UBQLN1: variants seen among roughly 807,000 people sequenced by gnomAD.
The protein encoded by UBQLN1 is ubiquilin-1.
Under a neutral mutation model 65.4 loss-of-function variants are expected in UBQLN1, and 13 were observed. That is an observed-to-expected ratio of 0.20 (90% CI 0.13 to 0.32). The LOEUF (loss-of-function observed/expected upper bound fraction) is 0.32, where lower values mean the gene tolerates loss of function less well. UBQLN1 is among the 10% of genes least tolerant of loss of function. The probability of loss-of-function intolerance (pLI) is 1.00; values close to 1 mark genes in which losing one functional copy is unlikely to be tolerated. For missense variants in UBQLN1, 561 were observed against 724.0 expected (o/e 0.77, Z 2.58); for synonymous variants, 267 against 247.8 (o/e 1.08, Z -0.73).
At position 83,661,705 on chromosome 9, in the gene UBQLN1, A is replaced by C. The variant is rs1352149835; in HGVS notation, c.*82T>G. 1.4e-6 allele frequency: 2 copies of C among 1,451,664 alleles called. No individual in the cohort carries two copies. Among genetic ancestry groups the C allele is most frequent in the African/African-American group, 2.8e-5 (2 of 70,446 alleles). 89.9% of individuals were successfully genotyped at this position (1,451,664 alleles called of 1,614,324 possible). On this transcript the variant is annotated 3_prime_UTR_variant, in exon 11 of 11. Transcript: ENST00000376395. ...ATAACAGCACAGAATTCCAAGAGTC[A>C]AAATGAAATAAAGCAGGTATTTTAA... is the stretch of plus-strand genomic sequence containing the variant.
chr9:83,683,893 T>C (rs1192524419), intron 2 of UBQLN1, among the ~76,000 whole-genome samples: 2 of 151,964 alleles, frequency 1.3e-5, no homozygotes, highest in Non-Finnish European at 2.9e-5. Context: ...TGGTGGCACA[T>C]GCCTGTAATC....
Position 83,677,707 on chromosome 9 carries a change from C to T in UBQLN1, c.1105+20G>A. 6.3e-7 allele frequency: 1 copy of T among 1,575,790 alleles called. No individual in the cohort carries two copies. The highest frequency in any genetic ancestry group is 8.7e-7 in the Non-Finnish European group (1 of 1,153,534). ...AAATGAGGACAACAAAGAAAAAAGC[C>T]TGAGTTGTTAAAAGCATACCTCCTA... On this transcript the variant is annotated intron_variant, in intron 6 of 10. Coordinates refer to ENST00000376395, the MANE Select transcript of UBQLN1 (RefSeq NM_013438.5).
chr9:83,695,364 A>G (rs944556392), intron 1 of UBQLN1, among the ~76,000 whole-genome samples: 1 of 151,880 alleles, frequency 6.6e-6, no homozygotes, highest in South Asian at 2.1e-4. Context: ...ACACTGGCTA[A>G]TTTTTTTATT....
rs1310349768 is a variant in UBQLN1 at position 83,707,748 on chromosome 9, C to G, written c.-69G>C. The G allele has an allele frequency of 2.7e-6, 4 of 1,484,844 alleles. No individual in the cohort carries two copies. Among genetic ancestry groups the G allele is most frequent in the Admixed American group, 2.6e-5 (1 of 38,242 alleles). The allele number at this position is 1,484,844 out of a possible 1,614,324, so 92.0% of individuals were successfully genotyped here. ...GAGCAGGCGAGCAAGGAGGAGCCAG[C>G]AGACACCAGAGCCGGCAGGCCTGGA... On this transcript the variant is annotated 5_prime_UTR_variant, in exon 1 of 11. Transcript: ENST00000376395.
chr9:83,707,056 AAAC>A (rs1288764967), intron 1 of UBQLN1, among the ~76,000 whole-genome samples: 5 of 152,290 alleles, frequency 3.3e-5, no homozygotes, highest in African/African-American at 1.2e-4. Context: ...CAGGCACGTA[AAAC>A]AACGAGGATC....
chr9:83,677,744 A>C lies in UBQLN1; in HGVS notation c.1088T>G (p.Leu363Trp). The change falls in exon 6 of 11, where the codon TTG (leucine) becomes TGG (tryptophan). Residue 363 changes from leucine to tryptophan, a missense_variant. By Grantham distance (61) the Leu-to-Trp change is moderately conservative. Transcript: ENST00000376395. ...TSGQSTTAPN[L>W]VPGVGASMFN... is the part of the protein sequence containing the mutation. Reference sequence around the variant, plus strand: ...AAGCATACCTCCTACTCCAGGCACCAAATTTGGCGCAGTAGTACTCTGCCC... The same window carrying C: ...AAGCATACCTCCTACTCCAGGCACCCAATTTGGCGCAGTAGTACTCTGCCC... The C allele has an allele frequency of 6.2e-7, 1 of 1,612,320 alleles. No homozygotes were observed. Among genetic ancestry groups the C allele is most frequent in the Non-Finnish European group, 8.5e-7 (1 of 1,178,678 alleles).
chr9:83,683,095 G>A (rs1367736831), intron 2 of UBQLN1, 29 bp from the exon 3 acceptor site: 1 of 1,487,538 alleles, frequency 6.7e-7, no homozygotes, highest in Non-Finnish European at 9.3e-7. Flanking sequence ...CACAGAGTAA[G>A]CAGTAGAGCT....
chr9:83,694,467 T>C (rs1017342882), intron 1 of UBQLN1, among the ~76,000 whole-genome samples: 1 of 152,188 alleles, frequency 6.6e-6, no homozygotes, highest in Non-Finnish European at 1.5e-5. Flanking sequence ...GTAGTCTTAT[T>C]TAAAACACTG....
chr9:83,667,924 T>TA (rs1267672104), intron 7 of UBQLN1: 5 of 983,046 alleles, frequency 5.1e-6, no homozygotes, highest in Non-Finnish European at 6.0e-6. Context: ...TGTTTTAGAG[T>TA]AAAAAAATAG....
intron 1 of UBQLN1, among the ~76,000 whole-genome samples, chr9:83,706,807 A>G (rs1292083694): frequency 6.6e-6 from 1 of 152,210 alleles, no homozygotes; most frequent in Non-Finnish European, 1.5e-5. Context: ...AACCTACCCA[A>G]TGATTGGCAT....
rs1831946310 is a variant in UBQLN1, at chr9:83,681,907, T to TC, written c.448+1043_448+1044insG. 3.3e-5 allele frequency among the ~76,000 whole-genome samples: 5 copies of TC among 152,222 alleles called. No individual in the cohort carries two copies. The South Asian group carries it at 1.0e-3, about 31-fold the overall frequency. ...AGAATGAAAAATGACTTTCATTAGC[T>TC]TGAGTCTCTGAGGGACTATATGGAT... On this transcript the variant is annotated intron_variant, in intron 3 of 10. Transcript: ENST00000376395.
At chr9:83,698,731 T>C (rs1011338370) in intron 1 of UBQLN1, among the ~76,000 whole-genome samples, 1 of 152,042 alleles carries the variant, frequency 6.6e-6, no homozygotes, top group Non-Finnish European at 1.5e-5. Flanking sequence ...CTGGGCAACA[T>C]GGTGAAACCC....
intron 8 of UBQLN1, among the ~76,000 whole-genome samples, chr9:83,665,888 T>G (rs192443440): frequency 6.6e-6 from 1 of 152,310 alleles, no homozygotes; most frequent in East Asian, 1.9e-4. Context: ...ACTATTTTAA[T>G]CTTACTAATC....
chr9:83,706,909 A>G (rs1271469191), intron 1 of UBQLN1, among the ~76,000 whole-genome samples: 1 of 152,176 alleles, frequency 6.6e-6, no homozygotes, highest in Non-Finnish European at 1.5e-5. Flanking sequence ...TACTATCACT[A>G]TTACTTAAGA....
At position 83,678,053 on chromosome 9, in the gene UBQLN1, G is replaced by A. The variant is rs1184158235; in HGVS notation, c.871-92C>T. 2.9e-5 allele frequency: 29 copies of A among 997,878 alleles called. 1 individual carries two copies. Among genetic ancestry groups the A allele is most frequent in the African/African-American group, 2.1e-4 (12 of 55,824 alleles). 61.8% of individuals were successfully genotyped at this position (997,878 alleles called of 1,614,324 possible). A position where few individuals can be genotyped will look rare whatever the true frequency, so the allele number is the denominator to read the frequency against. ...TTTTTTTTTTTTGAGACGGAGTCTCGCTCTGTGACCCAGGCTGGAGTGCAG... is the reference window on the plus strand; with the variant it reads ...TTTTTTTTTTTTGAGACGGAGTCTCACTCTGTGACCCAGGCTGGAGTGCAG... On this transcript the variant is annotated intron_variant, in intron 5 of 10. Coordinates refer to ENST00000376395, the MANE Select transcript of UBQLN1 (RefSeq NM_013438.5).
At chr9:83,704,824 CAAAAAAAA>C (rs780432842) in intron 1 of UBQLN1, among the ~76,000 whole-genome samples, 2 of 69,544 alleles carry the variant, frequency 2.9e-5, no homozygotes, top group Non-Finnish European at 2.7e-5. Context: ...GACTCCATCT[CAAAAAAAA>C]AAAAAAAAAA....
chr9:83,661,987 C>T (rs745979790), intron 10 of UBQLN1, 48 bp from the exon 11 acceptor site: 4 of 1,557,768 alleles, frequency 2.6e-6, no homozygotes, highest in South Asian at 1.2e-5. Context: ...AAGCCAGTCC[C>T]TGCCACACAT....
At chr9:83,687,863 A>G (rs895398905) in intron 1 of UBQLN1, among the ~76,000 whole-genome samples, 7 of 152,228 alleles carry the variant, frequency 4.6e-5, no homozygotes, top group Non-Finnish European at 7.3e-5. Flanking sequence ...AAGCATAAAG[A>G]TAACACAAAA....
intron 1 of UBQLN1, among the ~76,000 whole-genome samples, chr9:83,690,252 C>T (rs1442372176): frequency 6.6e-6 from 1 of 152,162 alleles, no homozygotes; most frequent in South Asian, 2.1e-4. Context: ...TAGATTACCC[C>T]CAATGACAAC....
Sources: gnomAD v4.1 joint callset for allele counts (sites outside exome capture counted in the v4.1 genomes callset) on GRCh38, gnomAD v4.1.1 for gene constraint, MANE v1.5 for transcripts, NCBI Gene and HGNC (gene_info 2026-07-23, HGNC 2026-07-21) for gene names.